CLCN5: variants seen among roughly 807,000 people sequenced by gnomAD.
The protein encoded by CLCN5 is H(+)/Cl(-) exchange transporter 5.
A neutral mutation model predicts 54.0 loss-of-function variants in CLCN5; 17 were observed. The ratio of observed to expected loss-of-function variants is 0.31; its 90% CI spans 0.22 to 0.47. The LOEUF (loss-of-function observed/expected upper bound fraction) is 0.47. Among genes scored for constraint, CLCN5 ranks in the 20% least tolerant of loss-of-function variants. The pLI is 1.00. For missense variants in CLCN5, 448 were observed against 646.7 expected (o/e 0.69, Z 3.33); for synonymous variants, 222 against 233.0 (o/e 0.95, Z 0.43).
intron 4 of CLCN5, among the ~76,000 whole-genome samples, chrX:50,068,364 A>C: frequency 9.0e-6 from 1 of 111,408 alleles, no homozygotes; most frequent in Non-Finnish European, 1.9e-5. Context: ...ATGATAGGAA[A>C]TGCTGGGCTG....
chrX:50,095,612 C>G lies in CLCN5; in HGVS notation c.*3393C>G, dbSNP rs1569540684. ...TTGACACCAGAGGCTGAATCTAAAC[C>G]CTTTACAGGAAGAGCAGAGCATACT... On this transcript the variant is annotated 3_prime_UTR_variant, in exon 15 of 15. Transcript: ENST00000376091. 8.9e-6 allele frequency: 1 copy of G among 112,416 alleles called. No homozygotes were observed. Among genetic ancestry groups the G allele is most frequent in the Non-Finnish European group, 1.9e-5 (1 of 53,299 alleles). 9.3% of individuals were successfully genotyped at this position (112,416 alleles called of 1,213,427 possible). A position where few individuals can be genotyped will look rare whatever the true frequency, so the allele number is the denominator to read the frequency against.
chrX:49,951,800 G>A (rs1298852247), intron 3 of CLCN5, among the ~76,000 whole-genome samples: 9 of 111,941 alleles, frequency 8.0e-5, no homozygotes, highest in Non-Finnish European at 1.5e-4. Flanking sequence ...TTCACCAAAC[G>A]GAAACTCTGT....
At chrX:49,977,531 G>A (rs1557177087) in intron 3 of CLCN5, among the ~76,000 whole-genome samples, 1 of 111,509 alleles carries the variant, frequency 9.0e-6, no homozygotes, top group Non-Finnish European at 1.9e-5. Flanking sequence ...CAAATCTAGT[G>A]TAATTTCCAC....
Position 50,094,543 on chromosome X carries a change from G to A in CLCN5, c.*2324G>A, listed in dbSNP as rs782677531. ...AGTAGCGATAAGGAGGGTGTCTCAA[G>A]TTTGCTTTTGTGTTTCTTCTAGGCT... On this transcript the variant is annotated 3_prime_UTR_variant, in exon 15 of 15. Transcript: ENST00000376091. 1.2e-4 allele frequency: 14 copies of A among 112,638 alleles called. No homozygotes were observed. The East Asian group carries it at 3.6e-3, about 29-fold the overall frequency. The allele number at this position is 112,638 out of a possible 1,213,427, so 9.3% of individuals were successfully genotyped here. A position where few individuals can be genotyped will look rare whatever the true frequency, so the allele number is the denominator to read the frequency against.
intron 3 of CLCN5, among the ~76,000 whole-genome samples, chrX:50,011,657 G>A (rs1458638181): frequency 4.5e-5 from 5 of 112,212 alleles, no homozygotes; most frequent in African/African-American, 1.6e-4. Flanking sequence ...CCTTATAGAT[G>A]GGGATTAAAT....
intron 4 of CLCN5, among the ~76,000 whole-genome samples, chrX:50,049,050 A>G (rs1337597133): frequency 9.0e-6 from 1 of 111,079 alleles, no homozygotes; most frequent in Non-Finnish European, 1.9e-5. Context: ...TTGCTTGTCT[A>G]TAACCTCCTA....
chrX:50,056,935 C>G (rs782490460), intron 4 of CLCN5, among the ~76,000 whole-genome samples: 106 of 112,135 alleles, frequency 9.5e-4, no homozygotes, highest in African/African-American at 3.3e-3. Context: ...CTTCACCACC[C>G]CTTTTATTGT....
intron 7 of CLCN5, among the ~76,000 whole-genome samples, chrX:50,078,565 C>T (rs139106440): frequency 0.016 from 1,756 of 112,345 alleles, 30 homozygotes; most frequent in African/African-American, 0.054. Context: ...TGTATGTGCG[C>T]GCACGCATGT....
chrX:50,061,086 A>G lies in CLCN5; in HGVS notation c.164-8793A>G, dbSNP rs201861083. Among the ~76,000 whole-genome samples the G allele has an allele frequency of 1.9e-3, 130 of 67,320 alleles. 1 individual carries two copies. Among genetic ancestry groups the G allele is most frequent in the East Asian group, 0.018 (40 of 2,200 alleles). 58.5% of individuals were successfully genotyped at this position (67,320 alleles called of 115,157 possible). On this transcript the variant is annotated intron_variant, in intron 4 of 14. Coordinates refer to ENST00000376091, the MANE Select transcript of CLCN5 (RefSeq NM_001127898.4). ...ACAGAACAGAAAAACTGGAAACTCTAAAACGCAGAGCGCCTCTCCTCCTCC... is the reference window on the plus strand; with the variant it reads ...ACAGAACAGAAAAACTGGAAACTCTGAAACGCAGAGCGCCTCTCCTCCTCC...
chrX:50,050,450 C>G (rs1355282913), intron 4 of CLCN5: 5 of 111,072 alleles, frequency 4.5e-5, no homozygotes, highest in African/African-American at 1.6e-4. Flanking sequence ...ATTTGCATTT[C>G]TCTAATGACA....
intron 3 of CLCN5, among the ~76,000 whole-genome samples, chrX:49,926,590 G>A (rs782424076): frequency 2.7e-5 from 3 of 111,935 alleles, no homozygotes; most frequent in African/African-American, 9.8e-5. Context: ...AGACAGAGCA[G>A]CACTGTTTGG....
In CLCN5 at chrX:50,059,844, C is replaced by A. The variant is rs184586639; in HGVS notation, c.164-10035C>A. Among the ~76,000 whole-genome samples the A allele has an allele frequency of 5.5e-5, 6 of 108,320 alleles. No individual in the cohort carries two copies. In the East Asian group the frequency reaches 1.7e-3, roughly 31 times the overall value. The allele number at this position is 108,320 out of a possible 115,157, so 94.1% of individuals were successfully genotyped here. A position where few individuals can be genotyped will look rare whatever the true frequency, so the allele number is the denominator to read the frequency against. ...ATGAACTTTCATTAAAAGTCAATAA[C>A]GTGGCACCAGCTATGCAATCCATAG... On this transcript the variant is annotated intron_variant, in intron 4 of 14. Coordinates refer to ENST00000376091, the MANE Select transcript of CLCN5 (RefSeq NM_001127898.4).
chrX:50,037,291 A>G (rs1158864249), intron 3 of CLCN5, among the ~76,000 whole-genome samples: 2 of 112,059 alleles, frequency 1.8e-5, no homozygotes, highest in African/African-American at 6.5e-5. Context: ...GTTACATAGG[A>G]GCTAAGATCC....
At chrX:50,001,264 C>G (rs149645092) in intron 3 of CLCN5, among the ~76,000 whole-genome samples, 397 of 111,111 alleles carry the variant, frequency 3.6e-3, no homozygotes, top group African/African-American at 0.012. Context: ...TCTTTGTATA[C>G]TGGAGTGTTT....
At chrX:49,957,833 A>C (rs1458795277) in intron 3 of CLCN5, among the ~76,000 whole-genome samples, 1 of 112,081 alleles carries the variant, frequency 8.9e-6, no homozygotes, top group Non-Finnish European at 1.9e-5. Context: ...TGTACAGGGA[A>C]GTCTCATGTA....
intron 3 of CLCN5, among the ~76,000 whole-genome samples, chrX:49,956,443 C>G (rs1927324442): frequency 8.9e-6 from 1 of 112,323 alleles, no homozygotes. Context: ...ATTAAATCAG[C>G]TAATAAATGT....
At position 49,979,286 on chromosome X, in the gene CLCN5, C is replaced by T. The variant is rs113265396; in HGVS notation, c.16+53972C>T. ...TTGCTTATAGCCCACCTCTCCCACA[C>T]TCCCCACCATATGACACACATTGAT... On this transcript the variant is annotated intron_variant, in intron 3 of 14. Coordinates refer to ENST00000376091, the MANE Select transcript of CLCN5 (RefSeq NM_001127898.4). Among the ~76,000 whole-genome samples the T allele has an allele frequency of 4.9e-3, 543 of 111,666 alleles. 3 individuals carry two copies. The highest frequency in any genetic ancestry group is 6.9e-3 in the Non-Finnish European group (367 of 53,087).
intron 3 of CLCN5, among the ~76,000 whole-genome samples, chrX:49,997,398 A>G (rs1929575589): frequency 9.1e-6 from 1 of 110,416 alleles, no homozygotes; most frequent in South Asian, 3.9e-4. Context: ...CTTGCCCCCC[A>G]CTTGTCCCTG....
At chrX:49,933,361 A>C (rs12007553) in intron 3 of CLCN5, among the ~76,000 whole-genome samples, 13,902 of 111,885 alleles carry the variant, frequency 0.12, 2,092 homozygotes, top group African/African-American at 0.43. Context: ...GAAGTCATTG[A>C]ATAGAGGGTA....
Sources: gnomAD v4.1 joint callset for allele counts (sites outside exome capture counted in the v4.1 genomes callset) on GRCh38, gnomAD v4.1.1 for gene constraint, MANE v1.5 for transcripts, NCBI Gene and HGNC (gene_info 2026-07-23, HGNC 2026-07-21) for gene names.